SLC18A1: variants seen among roughly 807,000 people sequenced by gnomAD.
The protein encoded by SLC18A1 is chromaffin granule amine transporter.
In SLC18A1, 69 loss-of-function variants were observed where a neutral mutation model predicts 53.7. The ratio of observed to expected loss-of-function variants is 1.28; its 90% confidence interval spans 1.06 to 1.57. The LOEUF is 1.57. Ranked by LOEUF, SLC18A1 falls within the 40% of genes most tolerant of loss-of-function variation. SLC18A1 has a pLI of 0.00. For missense variants in SLC18A1, 932 were observed against 668.1 expected (o/e 1.40, Z -4.35); for synonymous variants, 320 against 248.1 (o/e 1.29, Z -2.72).
At chr8:20,154,262 G>C (rs967478842) in intron 10 of SLC18A1, among the ~76,000 whole-genome samples, 1 of 152,182 alleles carries the variant, frequency 6.6e-6, no homozygotes, top group Non-Finnish European at 1.5e-5. Context: ...AGGAGGAAAG[G>C]ATCATTGCAA....
At chr8:20,177,456 C>T (rs1585225842) in intron 4 of SLC18A1, among the ~76,000 whole-genome samples, 1 of 152,022 alleles carries the variant, frequency 6.6e-6, no homozygotes, top group Admixed American at 6.5e-5. Flanking sequence ...ACATGGACAC[C>T]GGAAGGGGAA....
At chr8:20,157,447 A>T (rs1454411875) in intron 10 of SLC18A1, among the ~76,000 whole-genome samples, 2 of 152,160 alleles carry the variant, frequency 1.3e-5, no homozygotes, top group South Asian at 2.1e-4. Flanking sequence ...GAATCACAAC[A>T]TGGAGATTGG....
rs1179010993 is a variant in SLC18A1 at position 20,147,639 on chromosome 8, T to C, written c.1294A>G (p.Ile432Val). 2.5e-6 allele frequency: 4 copies of C among 1,613,982 alleles called. No homozygotes were observed. In the African/African-American group the frequency reaches 5.3e-5, roughly 22 times the overall value. Residue 432 changes from isoleucine to valine, a missense_variant, in exon 14 of 16, where the codon ATC becomes GTC. Ile to Val is a conservative substitution (Grantham distance 29). Coordinates refer to ENST00000276373, the MANE Select transcript of SLC18A1 (RefSeq NM_003053.4). ...HTSVYGSVYA[I>V]ADVAFCMGFA... ...CCCATGCAAAAAGCCACATCAGCGA[T>C]GGCGTAGACACTCCCATACACCGAG...
At chr8:20,175,639 G>A (rs905225513) in intron 4 of SLC18A1, 1 of 152,196 alleles carries the variant, frequency 6.6e-6, no homozygotes, top group African/African-American at 2.4e-5. Context: ...GGTGCTGGTG[G>A]TCAGGGTAGT....
intron 10 of SLC18A1, among the ~76,000 whole-genome samples, chr8:20,151,809 T>C (rs1220549733): frequency 6.6e-6 from 1 of 152,164 alleles, no homozygotes; most frequent in Non-Finnish European, 1.5e-5. Flanking sequence ...CATTCATTCA[T>C]TCATTCATTC....
intron 10 of SLC18A1, among the ~76,000 whole-genome samples, chr8:20,157,753 C>A (rs2071718892): frequency 6.6e-6 from 1 of 152,156 alleles, no homozygotes; most frequent in South Asian, 2.1e-4. Flanking sequence ...CTGAACTTGG[C>A]AACCTCAGTT....
At chr8:20,147,463 A>C (rs894786924) in intron 14 of SLC18A1, 72 bp from the exon 15 acceptor site, 2 of 1,576,666 alleles carry the variant, frequency 1.3e-6, no homozygotes, top group East Asian at 2.2e-5. Context: ...GTAGGACACT[A>C]TGCTAGGGGC....
In SLC18A1 at chr8:20,180,944, A is replaced by C. The variant is rs762106158; in HGVS notation, c.21T>G (p.Asp7Glu). 6 of 1,591,576 alleles carry C rather than the reference A, an allele frequency of 3.8e-6. No individual in the cohort carries two copies. Among genetic ancestry groups the C allele is most frequent in the Non-Finnish European group, 5.1e-6 (6 of 1,169,564 alleles). MLRTILDAPQRLLKEGR... is the reference protein window; with the variant it reads MLRTILEAPQRLLKEGR... ...CCTCCTTCAGCAACCGCTGGGGAGC[A>C]TCCAGAATGGTCCGGAGCATGGTGA... Residue 7 changes from aspartate to glutamate, a missense_variant, in exon 2 of 16, where the codon GAT becomes GAG. Asp to Glu is a conservative substitution (Grantham distance 45, BLOSUM62 2). Transcript: ENST00000276373.
chr8:20,161,423 T>C (rs577477499), intron 10 of SLC18A1, among the ~76,000 whole-genome samples: 1 of 152,322 alleles, frequency 6.6e-6, no homozygotes, highest in African/African-American at 2.4e-5. Flanking sequence ...AACAACTATT[T>C]ATATAGCATT....
intron 10 of SLC18A1, among the ~76,000 whole-genome samples, chr8:20,151,360 C>T (rs920194974): frequency 1.2e-4 from 18 of 152,084 alleles, no homozygotes; most frequent in Admixed American, 6.5e-5. Flanking sequence ...GAGCCGTTCT[C>T]ATGTATAAAA....
chr8:20,149,739 A>C lies in SLC18A1; in HGVS notation c.1095-12T>G. 1 of 1,613,582 alleles carries C rather than the reference A, an allele frequency of 6.2e-7. No homozygotes were observed. The highest frequency in any genetic ancestry group is 8.5e-7 in the Non-Finnish European group (1 of 1,179,814). ...GGGAACACAGCCACCTGGAAGAAAA[A>C]AGCCATCATCAAACACCACTAGGGG... On this transcript the variant is annotated splice_polypyrimidine_tract_variant and intron_variant, in intron 11 of 15. Transcript: ENST00000276373.
chr8:20,153,528 AT>A (rs1272993453), intron 10 of SLC18A1, among the ~76,000 whole-genome samples: 1 of 152,172 alleles, frequency 6.6e-6, no homozygotes, highest in Admixed American at 6.5e-5. Context: ...AATACAAAAA[AT>A]TAGCTGGGCA....
At position 20,147,762 on chromosome 8, in the gene SLC18A1, C is replaced by G; in HGVS notation, c.1211-40G>C. 1.9e-6 allele frequency: 3 copies of G among 1,597,606 alleles called. No homozygotes were observed. The Admixed American group carries it at 5.1e-5, about 27-fold the overall frequency. On this transcript the variant is annotated intron_variant, in intron 13 of 15. Coordinates refer to ENST00000276373, the MANE Select transcript of SLC18A1 (RefSeq NM_003053.4). ...AACAGGACACAGTCAGCCCCACCCA[C>G]AGTTAGTACCACCCCGCCTCTCCTC... is the stretch of plus-strand genomic sequence containing the variant.
chr8:20,170,691 T>A (rs1254114790), intron 8 of SLC18A1, among the ~76,000 whole-genome samples: 1 of 152,162 alleles, frequency 6.6e-6, no homozygotes, highest in African/African-American at 2.4e-5. Context: ...ATCTCTGAGA[T>A]GATGTTACAG....
chr8:20,149,360 T>C (rs1014035318), intron 12 of SLC18A1, among the ~76,000 whole-genome samples: 1 of 152,018 alleles, frequency 6.6e-6, no homozygotes. Flanking sequence ...TCACTTCATA[T>C]GCCCACATGT....
chr8:20,165,328 A>C (rs1401681360), intron 8 of SLC18A1, among the ~76,000 whole-genome samples: 2 of 152,162 alleles, frequency 1.3e-5, no homozygotes, highest in African/African-American at 4.8e-5. Context: ...TAGGCACTGT[A>C]ATAGTCACAG....
chr8:20,159,337 A>C (rs191215326), intron 10 of SLC18A1, among the ~76,000 whole-genome samples: 1 of 152,304 alleles, frequency 6.6e-6, no homozygotes, highest in Non-Finnish European at 1.5e-5. Context: ...TTCCTAGGCC[A>C]ATTAAGAATT....
At chr8:20,147,862 C>T (rs768314365) in intron 13 of SLC18A1, 140 bp from the exon 14 acceptor site, 88 of 1,444,858 alleles carry the variant, frequency 6.1e-5, no homozygotes, top group Non-Finnish European at 8.2e-5. Context: ...GAATTACGAG[C>T]TCATCTCTCC....
intron 15 of SLC18A1, among the ~76,000 whole-genome samples, chr8:20,146,858 T>C (rs539469740): frequency 6.7e-6 from 1 of 149,744 alleles, no homozygotes; most frequent in South Asian, 2.1e-4. Flanking sequence ...GTAAGGATAA[T>C]GTTGCACTAG....
Sources: gnomAD v4.1 joint callset for allele counts (sites outside exome capture counted in the v4.1 genomes callset) on GRCh38, gnomAD v4.1.1 for gene constraint, MANE v1.5 for transcripts, NCBI Gene and HGNC (gene_info 2026-07-23, HGNC 2026-07-21) for gene names.